CTNND2: variants seen among roughly 807,000 people sequenced by gnomAD.
CTNND2 encodes catenin delta-2.
CTNND2 carries 22 observed loss-of-function variants against 144.4 expected under a neutral mutation model. That is an observed-to-expected ratio of 0.15 (90% CI 0.11 to 0.22). CTNND2 has a LOEUF of 0.22. Ranked by LOEUF, CTNND2 falls within the 10% of genes least tolerant of loss-of-function variation. The pLI is 1.00. For missense variants in CTNND2, 1,353 were observed against 1,618.8 expected (o/e 0.84, Z 2.82); for synonymous variants, 751 against 695.6 (o/e 1.08, Z -1.25).
At chr5:10,998,138 T>C (rs1052072943) in intron 18 of CTNND2, among the ~76,000 whole-genome samples, 7 of 152,202 alleles carry the variant, frequency 4.6e-5, no homozygotes, top group Non-Finnish European at 1.0e-4. Flanking sequence ...AAATCCTTCA[T>C]AAAATCAAAT....
intron 11 of CTNND2, among the ~76,000 whole-genome samples, chr5:11,186,691 G>A (rs543059639): frequency 2.0e-5 from 3 of 152,294 alleles, no homozygotes; most frequent in South Asian, 4.1e-4. Flanking sequence ...TAAGAACCTC[G>A]AGAGGGTATT....
intron 9 of CTNND2, among the ~76,000 whole-genome samples, chr5:11,296,527 T>C (rs137968979): frequency 0.029 from 4,410 of 152,254 alleles, 96 homozygotes; most frequent in Admixed American, 0.045. Flanking sequence ...TAAAGACACA[T>C]GCACACGTAT....
intron 3 of CTNND2, among the ~76,000 whole-genome samples, chr5:11,430,163 T>C (rs962518855): frequency 1.3e-5 from 2 of 149,056 alleles, no homozygotes; most frequent in African/African-American, 2.5e-5. Context: ...GACAGGAGAA[T>C]TGCTTGAAAC....
Position 10,973,643 on chromosome 5 carries a change from G to A in CTNND2, c.3488C>T (p.Ser1163Phe). The A allele has an allele frequency of 4.3e-6, 7 of 1,614,126 alleles. No homozygotes were observed. Among genetic ancestry groups the A allele is most frequent in the Non-Finnish European group, 5.9e-6 (7 of 1,179,996 alleles). Residue 1163 changes from serine (S) to phenylalanine (F), a missense_variant, in exon 22 of 22, where the codon TCC becomes TTC. Transcript: ENST00000304623. This position sits in a 1 kb window ranked among gnomAD's most constrained non-coding sequence, Gnocchi z 5.6. ...DYETYQPFQN[S>F]TRNYDESFFE... is the part of the protein sequence containing the mutation. The stretch of plus-strand genomic sequence containing the variant: ...GAAGGACTCATCGTAATTTCTTGTG[G>A]AATTCTGAAATGGCTGGTAGGTCTC...
chr5:11,187,356 GGACT>G (rs1402044696), intron 11 of CTNND2, among the ~76,000 whole-genome samples: 4 of 152,124 alleles, frequency 2.6e-5, no homozygotes, highest in Admixed American at 2.6e-4. Context: ...AACAGGGAAA[GGACT>G]CCCTATTTAA....
At chr5:11,630,676 C>A (rs917077484) in intron 2 of CTNND2, among the ~76,000 whole-genome samples, 1 of 152,026 alleles carries the variant, frequency 6.6e-6, no homozygotes, top group Non-Finnish European at 1.5e-5. Flanking sequence ...AATAACCCTA[C>A]TGTCAATAAT....
chr5:11,617,280 A>G (rs1466591125), intron 2 of CTNND2, among the ~76,000 whole-genome samples: 2 of 152,172 alleles, frequency 1.3e-5, no homozygotes, highest in Non-Finnish European at 2.9e-5. Context: ...TACTGACATC[A>G]TCTTCATAAC....
In CTNND2 at chr5:11,023,855, C is replaced by A. The variant is rs376192446; in HGVS notation, c.2789-876G>T. ...AGGCATTACCAATAGCCCTGCAAGA[C>A]AATTAATTTATCCCACCTGCAGCTT... is the stretch of plus-strand genomic sequence containing the variant. On this transcript the variant is annotated intron_variant, in intron 16 of 21. Coordinates refer to ENST00000304623, the MANE Select transcript of CTNND2 (RefSeq NM_001332.4). Among the ~76,000 whole-genome samples, 40 of 152,316 alleles carry A rather than the reference C, an allele frequency of 2.6e-4. No individual in the cohort carries two copies. In the South Asian group the frequency reaches 7.1e-3, roughly 27 times the overall value.
At chr5:11,528,475 G>A (rs1368023239) in intron 3 of CTNND2, among the ~76,000 whole-genome samples, 1 of 152,196 alleles carries the variant, frequency 6.6e-6, no homozygotes, top group Non-Finnish European at 1.5e-5. Context: ...ATGTCATGGA[G>A]TTATCAAAAG....
In CTNND2 at chr5:11,377,637, T is replaced by C. The variant is rs1581055737; in HGVS notation, c.1177+7028A>G. On this transcript the variant is annotated intron_variant, in intron 7 of 21. Coordinates refer to ENST00000304623, the MANE Select transcript of CTNND2 (RefSeq NM_001332.4). ...AAAGGATCTGTTTACCCGCATTTGA[T>C]TTACAAGGATGCTATGAGGTAGGAA... 1.3e-5 allele frequency among the ~76,000 whole-genome samples: 2 copies of C among 152,144 alleles called. 1 individual carries two copies. Among genetic ancestry groups the C allele is most frequent in the South Asian group, 4.1e-4 (2 of 4,826 alleles).
At chr5:11,832,695 C>A (rs1793971111) in intron 1 of CTNND2, among the ~76,000 whole-genome samples, 2 of 152,164 alleles carry the variant, frequency 1.3e-5, no homozygotes, top group South Asian at 2.1e-4. Flanking sequence ...AATCCCAGCA[C>A]TTTGAGAGGC....
rs570529128 is a variant in CTNND2 at position 11,160,412 on chromosome 5, C to T, written c.1976-653G>A. ...AAGAAGAGGGCATGTCCACAATGGA[C>T]AGAGCGTCACAGTAATTCATGCAGG... is the stretch of plus-strand genomic sequence containing the variant. On this transcript the variant is annotated intron_variant, in intron 11 of 21. Transcript: ENST00000304623. 3.9e-5 allele frequency among the ~76,000 whole-genome samples: 6 copies of T among 152,328 alleles called. No individual in the cohort carries two copies. The East Asian group carries it at 7.7e-4, about 20-fold the overall frequency.
chr5:10,996,623 A>G (rs852607), intron 18 of CTNND2, among the ~76,000 whole-genome samples: 120,125 of 151,994 alleles, frequency 0.79, 47,706 homozygotes, highest in African/African-American at 0.86. Flanking sequence ...CTTTTGAGAC[A>G]GAGTCTCGCT....
At chr5:11,200,190 C>T (rs1366483629) in intron 10 of CTNND2, among the ~76,000 whole-genome samples, 3 of 152,178 alleles carry the variant, frequency 2.0e-5, no homozygotes, top group Admixed American at 1.3e-4. Context: ...GAAATAAGAA[C>T]GTCTCTTACA....
intron 8 of CTNND2, among the ~76,000 whole-genome samples, chr5:11,356,702 CTAATAT>C (rs1431699262): frequency 1.3e-5 from 2 of 151,634 alleles, no homozygotes; most frequent in African/African-American, 2.4e-5. Context: ...CGAATTAATA[CTAATAT>C]TAATAGGCAA....
Position 11,012,290 on chromosome 5 carries a change from G to T in CTNND2, c.3084+5684C>A, listed in dbSNP as rs529111659. Among the ~76,000 whole-genome samples, 133 of 152,238 alleles carry T rather than the reference G, an allele frequency of 8.7e-4. 1 individual carries two copies. Among genetic ancestry groups the T allele is most frequent in the Non-Finnish European group, 1.6e-3 (111 of 68,020 alleles). On this transcript the variant is annotated intron_variant, in intron 18 of 21. Coordinates refer to ENST00000304623, the MANE Select transcript of CTNND2 (RefSeq NM_001332.4). Reference sequence around the variant, plus strand: ...ACAGACTTCATGAAAGGCCATGAAGGTTCTTTAACACAAAGGTCAAGGAAA... The same window carrying T: ...ACAGACTTCATGAAAGGCCATGAAGTTTCTTTAACACAAAGGTCAAGGAAA...
intron 12 of CTNND2, among the ~76,000 whole-genome samples, chr5:11,156,037 G>A (rs557340301): frequency 2.3e-4 from 35 of 152,246 alleles, no homozygotes; most frequent in African/African-American, 5.3e-4. Context: ...ATGGGGTGGC[G>A]TTAGGGCATG....
rs762128860 is a variant in CTNND2 at position 11,431,723 on chromosome 5, C to T, written c.288-19654G>A. 2.0e-5 allele frequency among the ~76,000 whole-genome samples: 3 copies of T among 152,148 alleles called. No homozygotes were observed. In the South Asian group the frequency reaches 6.2e-4, roughly 32 times the overall value. ...AACCTTCCTCTGAGCCCTGCCCCTA[C>T]AGTAAATTGCCTCAGTTATTGCCAT... On this transcript the variant is annotated intron_variant, in intron 3 of 21. Transcript: ENST00000304623.
intron 10 of CTNND2, among the ~76,000 whole-genome samples, chr5:11,212,036 G>T (rs1331805842): frequency 1.3e-5 from 2 of 152,022 alleles, no homozygotes; most frequent in Non-Finnish European, 2.9e-5. Flanking sequence ...ATTACATGAT[G>T]GAAAGTATTT....
Sources: allele counts gnomAD v4.1 joint callset (sites outside exome capture counted in the v4.1 genomes callset), GRCh38; gene constraint gnomAD v4.1.1; non-coding constraint Gnocchi (gnomAD v3.1); transcripts MANE v1.5; gene names NCBI Gene and HGNC (gene_info 2026-07-23, HGNC 2026-07-21).